RUFY1: variants seen among roughly 807,000 people sequenced by gnomAD.
The protein encoded by RUFY1 is RUN and FYVE domain containing 1, also known as RUN and FYVE domain-containing protein 1.
Under a neutral mutation model 94.6 loss-of-function variants are expected in RUFY1, and 54 were observed. The observed-to-expected ratio is 0.57, with a 90% CI of 0.46 to 0.72. RUFY1 has a LOEUF of 0.72. Among genes scored for constraint, RUFY1 ranks in the 30% least tolerant of loss-of-function variants. The probability of loss-of-function intolerance (pLI) is 0.00; values close to 1 mark genes in which losing one functional copy is unlikely to be tolerated. For missense variants in RUFY1, 883 were observed against 883.9 expected (o/e 1.00, Z 0.01); for synonymous variants, 396 against 347.3 (o/e 1.14, Z -1.56).
intron 10 of RUFY1, among the ~76,000 whole-genome samples, chr5:179,593,044 C>G (rs1470589914): frequency 6.6e-6 from 1 of 152,134 alleles, no homozygotes; most frequent in East Asian, 1.9e-4. Context: ...TTTTCAATCT[C>G]CCTAAGCTAT....
chr5:179,554,182 A>T (rs976963776), intron 1 of RUFY1, among the ~76,000 whole-genome samples: 1 of 152,196 alleles, frequency 6.6e-6, no homozygotes, highest in African/African-American at 2.4e-5. Context: ...TTGCTGGATG[A>T]TATTTTTTCA....
intron 4 of RUFY1, chr5:179,569,101 A>G (rs1241748255): frequency 1.3e-5 from 13 of 980,106 alleles, no homozygotes; most frequent in Non-Finnish European, 1.6e-5. Context: ...AGGCGAGCCC[A>G]TTCTAAGCCA....
At chr5:179,591,600 C>G in intron 9 of RUFY1, 25 bp from the exon 10 acceptor site, 2 of 1,412,570 alleles carry the variant, frequency 1.4e-6, no homozygotes, top group Non-Finnish European at 2.0e-6. Flanking sequence ...CAAACAATTC[C>G]TCTTGGTGTC....
chr5:179,603,133 T>C (rs970072577), intron 15 of RUFY1, among the ~76,000 whole-genome samples: 1 of 151,858 alleles, frequency 6.6e-6, no homozygotes, highest in African/African-American at 2.4e-5. Context: ...CCAGGCATGG[T>C]GGGCACCTGT....
chr5:179,589,732 C>T, intron 9 of RUFY1, 85 bp downstream of exon 9: 1 of 1,056,422 alleles, frequency 9.5e-7, no homozygotes, highest in Admixed American at 1.8e-5. Flanking sequence ...TTAACAACAA[C>T]CCAGTCTTCA....
intron 7 of RUFY1, among the ~76,000 whole-genome samples, chr5:179,583,480 G>T (rs1385288956): frequency 6.7e-6 from 1 of 148,430 alleles, no homozygotes. Context: ...GCAGTAGCGC[G>T]ATCTCGGCTC....
intron 14 of RUFY1, among the ~76,000 whole-genome samples, chr5:179,600,376 G>GC (rs1327052137): frequency 2.0e-5 from 3 of 152,154 alleles, no homozygotes; most frequent in Non-Finnish European, 4.4e-5. Flanking sequence ...CAGTGCCGTT[G>GC]CCCCCTGGGG....
At chr5:179,608,969 A>G (rs1156609073) in intron 17 of RUFY1, among the ~76,000 whole-genome samples, 10 of 149,140 alleles carry the variant, frequency 6.7e-5, no homozygotes, top group South Asian at 2.1e-4. Context: ...TGTAATCCCA[A>G]CACTTTGGGA....
Position 179,589,662 on chromosome 5 carries a change from T to G in RUFY1, c.1128+15T>G. On this transcript the variant is annotated intron_variant, in intron 9 of 17. Transcript: ENST00000319449. ...AGAGTGTAGAGGTGAGAAATTGACC[T>G]ACATTTGGGCAGCATGTTTCTCACT... is the stretch of plus-strand genomic sequence containing the variant. 6.4e-7 allele frequency: 1 copy of G among 1,551,192 alleles called. No homozygotes were observed. The highest frequency in any genetic ancestry group is 8.9e-7 in the Non-Finnish European group (1 of 1,122,690).
intron 1 of RUFY1, among the ~76,000 whole-genome samples, chr5:179,551,275 A>G (rs1761831781): frequency 6.6e-6 from 1 of 152,208 alleles, no homozygotes; most frequent in South Asian, 2.1e-4. Flanking sequence ...CGCGCAGCGG[A>G]CCAGCGGCGC....
At chr5:179,586,452 C>T (rs1265303779) in intron 8 of RUFY1, 1 of 456,500 alleles carries the variant, frequency 2.2e-6, no homozygotes, top group Non-Finnish European at 4.4e-6. Flanking sequence ...GGGGGGTGCT[C>T]AGCCCTTCTG....
Position 179,589,620 on chromosome 5 carries a change from T to A in RUFY1, c.1101T>A (p.Ile367=). The A allele has an allele frequency of 6.2e-7, 1 of 1,613,918 alleles. No homozygotes were observed. The highest frequency in any genetic ancestry group is 8.5e-7 in the Non-Finnish European group (1 of 1,179,812). The change falls in exon 9 of 18, where the codon ATT becomes ATA. Residue 367 remains isoleucine (I), a synonymous_variant. Coordinates refer to ENST00000319449, the MANE Select transcript of RUFY1 (RefSeq NM_025158.5). ...QQQLREQNEL[I]RERSEKSVEI... The stretch of plus-strand genomic sequence containing the variant: ...AGTTAAGAGAACAAAATGAATTAAT[T>A]CGAGAAAGAAGTGAAAAGAGTGTAG...
At chr5:179,582,234 T>C (rs746404279) in intron 7 of RUFY1, among the ~76,000 whole-genome samples, 2 of 152,106 alleles carry the variant, frequency 1.3e-5, no homozygotes, top group African/African-American at 2.4e-5. Flanking sequence ...TTTTTTATTA[T>C]GATTTTTTGA....
In RUFY1 at chr5:179,581,007, C is replaced by T; in HGVS notation, c.951C>T (p.His317=). Residue 317 remains histidine, a synonymous_variant, in exon 7 of 18, where the codon CAC becomes CAT. Transcript: ENST00000319449. ...ATTATGTGGAAGAACTTAACCGGCA[C>T]TTGAGGTAAGACTCCTTTTTTTTTC... ...QKNYVEELNR[H]LSCTVGDLQT... 1 of 1,601,214 alleles carries T rather than the reference C, an allele frequency of 6.2e-7. No homozygotes were observed. The highest frequency in any genetic ancestry group is 2.2e-5 in the East Asian group (1 of 44,770).
chr5:179,572,248 G>A, intron 5 of RUFY1: 1 of 271,902 alleles, frequency 3.7e-6, no homozygotes, highest in South Asian at 3.6e-5. Flanking sequence ...TGAAGCTGTG[G>A]GCTACAAAGG....
chr5:179,590,862 G>T (rs1476456057), intron 9 of RUFY1: 1 of 148,088 alleles, frequency 6.8e-6, no homozygotes, highest in Non-Finnish European at 1.5e-5. Context: ...TGGAAACAGA[G>T]TCTTGCTGTC....
intron 15 of RUFY1, 110 bp from the exon 16 acceptor site, chr5:179,605,766 C>T (rs568470886): frequency 1.3e-6 from 1 of 775,018 alleles, no homozygotes; most frequent in Non-Finnish European, 2.3e-6. Context: ...TTCTGGGTCT[C>T]CTCACAAGTC....
At chr5:179,585,947 A>C (rs1333656831) in intron 8 of RUFY1, 82 bp downstream of exon 8, 8 of 1,103,670 alleles carry the variant, frequency 7.2e-6, no homozygotes, top group Non-Finnish European at 1.1e-5. Flanking sequence ...CTGCGATAGC[A>C]GAGCTTCCTG....
chr5:179,609,977 T>TATCA lies in RUFY1; in HGVS notation c.*459_*462dup, dbSNP rs1472202582. Reference sequence around the variant, plus strand: ...GCCATTTCATGCCCTTGTGACTACCTATCATTGGCCCTGCAATAAAATCAT... The same window carrying TATCA: ...GCCATTTCATGCCCTTGTGACTACCTATCAATCATTGGCCCTGCAATAAAATCAT... On this transcript the variant is annotated 3_prime_UTR_variant, in exon 18 of 18. Coordinates refer to ENST00000319449, the MANE Select transcript of RUFY1 (RefSeq NM_025158.5). The TATCA allele has an allele frequency of 6.5e-6, 1 of 154,306 alleles. No individual in the cohort carries two copies. The highest frequency in any genetic ancestry group is 1.4e-5 in the Non-Finnish European group (1 of 69,284). 9.6% of individuals were successfully genotyped at this position (154,306 alleles called of 1,614,324 possible). A position where few individuals can be genotyped will look rare whatever the true frequency, so the allele number is the denominator to read the frequency against.
Sources: allele counts gnomAD v4.1 joint callset (sites outside exome capture counted in the v4.1 genomes callset), GRCh38; gene constraint gnomAD v4.1.1; transcripts MANE v1.5; gene names NCBI Gene and HGNC (gene_info 2026-07-23, HGNC 2026-07-21).